VPS13B: variants seen among roughly 807,000 people sequenced by gnomAD.
The protein encoded by VPS13B is vacuolar protein sorting 13 homolog B.
In VPS13B, 285 loss-of-function variants were observed where a neutral mutation model predicts 426.4. The observed-to-expected ratio is 0.67, with a 90% CI of 0.61 to 0.74. The LOEUF (loss-of-function observed/expected upper bound fraction) is 0.74, where lower values mean the gene tolerates loss of function less well. Ranked by LOEUF, VPS13B falls within the 30% of genes least tolerant of loss-of-function variation. The pLI is 0.00. For synonymous variants in VPS13B, 1,676 were observed against 1,676.4 expected, an observed-to-expected ratio of 1.00 and a Z score of 0.01; for missense variants, 4,537 against 4,782.6, an observed-to-expected ratio of 0.95 and a Z score of 1.51.
intron 54 of VPS13B, among the ~76,000 whole-genome samples, chr8:99,844,767 G>C (rs1053001298): frequency 1.3e-5 from 2 of 152,096 alleles, no homozygotes; most frequent in African/African-American, 4.8e-5. Flanking sequence ...TGAATTTTGG[G>C]GGAACACAAA....
At position 99,096,481 on chromosome 8, in the gene VPS13B, C is replaced by T. The variant is rs759797367; in HGVS notation, c.412+49C>T. The T allele has an allele frequency of 9.9e-6, 16 of 1,608,584 alleles. No individual in the cohort carries two copies. In the South Asian group the frequency reaches 1.7e-4, roughly 17 times the overall value. ...AACCAAATTTCAATTTTTGGCCGGG[C>T]ATGGTGGCTCATGCCTGTAATCCCA... On this transcript the variant is annotated intron_variant, in intron 4 of 61. Transcript: ENST00000357162.
intron 15 of VPS13B, among the ~76,000 whole-genome samples, chr8:99,169,714 T>C (rs868602583): frequency 2.6e-5 from 4 of 152,136 alleles, no homozygotes; most frequent in Middle Eastern, 6.8e-3. Flanking sequence ...CGGTTTATAT[T>C]TATGGAAAAA....
At chr8:99,821,658 TC>T (rs1433279872) in intron 50 of VPS13B, among the ~76,000 whole-genome samples, 176 bp downstream of exon 50, 1 of 152,242 alleles carries the variant, frequency 6.6e-6, no homozygotes, top group Non-Finnish European at 1.5e-5. Flanking sequence ...TGCTTTTTTT[TC>T]TTTACCAGTG....
intron 21 of VPS13B, among the ~76,000 whole-genome samples, chr8:99,430,228 C>T (rs1817015723): frequency 6.6e-6 from 1 of 152,010 alleles, no homozygotes; most frequent in Non-Finnish European, 1.5e-5. Context: ...AATATGGTAT[C>T]AATGCTCATA....
chr8:99,754,120 A>C (rs1258227685), intron 39 of VPS13B, among the ~76,000 whole-genome samples: 2 of 104,918 alleles, frequency 1.9e-5, no homozygotes, highest in Non-Finnish European at 3.8e-5. Flanking sequence ...GACTTCTATT[A>C]GTTGAAGATG....
chr8:99,860,635 TG>T (rs1006012325), intron 57 of VPS13B, among the ~76,000 whole-genome samples: 2 of 152,226 alleles, frequency 1.3e-5, no homozygotes, highest in African/African-American at 4.8e-5. Flanking sequence ...TTCAGATTAC[TG>T]GTAAAGATGC....
chr8:99,367,557 C>T (rs887468301), intron 19 of VPS13B, among the ~76,000 whole-genome samples: 6 of 152,148 alleles, frequency 3.9e-5, no homozygotes, highest in Non-Finnish European at 7.4e-5. Context: ...GGAAGTCCTC[C>T]GTTACTATCC....
chr8:99,116,598 T>C (rs1310378445), intron 7 of VPS13B, among the ~76,000 whole-genome samples: 1 of 151,512 alleles, frequency 6.6e-6, no homozygotes, highest in Admixed American at 6.6e-5. Flanking sequence ...CATGCCTGGG[T>C]AATTTTTGCA....
At chr8:99,614,529 C>T (rs557222891) in intron 33 of VPS13B, among the ~76,000 whole-genome samples, 25 of 152,090 alleles carry the variant, frequency 1.6e-4, no homozygotes, top group Admixed American at 1.6e-3. Context: ...CCGCCCACCT[C>T]GGCCTCCCAA....
intron 19 of VPS13B, among the ~76,000 whole-genome samples, chr8:99,333,886 T>G (rs1451699158): frequency 6.6e-6 from 1 of 152,010 alleles, no homozygotes; most frequent in Non-Finnish European, 1.5e-5. Flanking sequence ...GTTTGTCTTG[T>G]GTATATCGGT....
intron 15 of VPS13B, among the ~76,000 whole-genome samples, chr8:99,158,026 G>C (rs563726080): frequency 2.6e-4 from 39 of 152,214 alleles, no homozygotes; most frequent in Non-Finnish European, 1.6e-4. Context: ...TTCATGAAGT[G>C]TAAGAGAAGC....
intron 35 of VPS13B, among the ~76,000 whole-genome samples, chr8:99,680,855 C>T (rs1449783): frequency 6.3e-4 from 96 of 152,156 alleles, no homozygotes; most frequent in African/African-American, 2.2e-3. Flanking sequence ...TTCTTTATAG[C>T]TCCCCCTGTG....
chr8:99,412,050 A>G (rs1219448271), intron 21 of VPS13B, among the ~76,000 whole-genome samples: 2 of 152,158 alleles, frequency 1.3e-5, no homozygotes, highest in Non-Finnish European at 2.9e-5. Flanking sequence ...GCAGTTCCAT[A>G]TGAAATTTAA....
chr8:99,267,295 CT>C (rs1186452432), intron 17 of VPS13B, among the ~76,000 whole-genome samples: 2 of 152,128 alleles, frequency 1.3e-5, no homozygotes, highest in Non-Finnish European at 2.9e-5. Flanking sequence ...CTTTTTGCTC[CT>C]GCCCTGGAGA....
In VPS13B at chr8:99,835,619, A is replaced by G. The variant is rs1275372857; in HGVS notation, c.9823A>G (p.Ser3275Gly). 1 of 1,613,972 alleles carries G rather than the reference A, an allele frequency of 6.2e-7. No homozygotes were observed. The highest frequency in any genetic ancestry group is 8.5e-7 in the Non-Finnish European group (1 of 1,180,032). Residue 3275 changes from serine (S) to glycine (G), a missense_variant, in exon 54 of 62, where the codon AGT (serine) becomes GGT (glycine). Transcript: ENST00000357162. ...IHHELYHQIS[S>G]YPDCKTKDLL... Reference sequence around the variant, plus strand: ...TCATGAGCTGTATCATCAGATTTCCAGTTATCCGGACTGCAAGACCAAAGA... The same window carrying G: ...TCATGAGCTGTATCATCAGATTTCCGGTTATCCGGACTGCAAGACCAAAGA...
intron 3 of VPS13B, among the ~76,000 whole-genome samples, chr8:99,092,430 C>A (rs1290602064): frequency 6.6e-6 from 1 of 152,026 alleles, no homozygotes; most frequent in East Asian, 1.9e-4. Context: ...AACAGAGTTT[C>A]TTTTATTAGT....
intron 8 of VPS13B, among the ~76,000 whole-genome samples, chr8:99,123,755 GA>G (rs372831637): frequency 1.6e-3 from 241 of 146,368 alleles, no homozygotes; most frequent in African/African-American, 5.5e-3. Flanking sequence ...AGACATGAAT[GA>G]AAAAAAAAAG....
intron 2 of VPS13B, among the ~76,000 whole-genome samples, chr8:99,016,665 C>T (rs1043559560): frequency 7.0e-6 from 1 of 143,818 alleles, no homozygotes; most frequent in African/African-American, 2.6e-5. Context: ...GATCTCGGCT[C>T]ACTGCAAGCT....
rs1282423945 is a variant in VPS13B at position 99,442,534 on chromosome 8, T to G, written c.3344T>G (p.Val1115Gly). The change falls in exon 23 of 62, where the codon GTC becomes GGC. Residue 1115 changes from valine to glycine, a missense_variant. By Grantham distance (109) the Val-to-Gly change is moderately radical. Transcript: ENST00000357162. The stretch of plus-strand genomic sequence containing the variant: ...CAAACCAGCATGCCGGGAACACTTG[T>G]CCTCTGTTTGCCTCAAATAAAGATT... Reference protein sequence around the residue: ...HGQTSMPGTLVLCLPQIKIIS... With the variant: ...HGQTSMPGTLGLCLPQIKIIS... 3.7e-6 allele frequency: 6 copies of G among 1,613,862 alleles called. No homozygotes were observed. The highest frequency in any genetic ancestry group is 5.1e-6 in the Non-Finnish European group (6 of 1,179,922).
Sources: gnomAD v4.1 joint callset for allele counts (sites outside exome capture counted in the v4.1 genomes callset) on GRCh38, gnomAD v4.1.1 for gene constraint, MANE v1.5 for transcripts, NCBI Gene and HGNC (gene_info 2026-07-23, HGNC 2026-07-21) for gene names.